The following NLE1 variants were observed in gnomAD, a reference collection of about 807,000 sequenced individuals.
NLE1 encodes notchless protein homolog 1.
In NLE1, 37 loss-of-function variants were observed where a neutral mutation model predicts 62.8. The ratio of observed to expected loss-of-function variants is 0.59; its 90% CI spans 0.45 to 0.78. The LOEUF is 0.78. Ranked by LOEUF, NLE1 falls within the 30% of genes least tolerant of loss-of-function variation. The probability of loss-of-function intolerance (pLI) is 0.00; values close to 1 mark genes in which losing one functional copy is unlikely to be tolerated. For missense variants in NLE1, 555 were observed against 637.9 expected, an observed-to-expected ratio of 0.87 and a Z score of 1.40; for synonymous variants, 243 against 253.0, an observed-to-expected ratio of 0.96 and a Z score of 0.37.
intron 9 of NLE1, 99 bp downstream of exon 9, chr17:35,136,070 C>A: frequency 8.1e-7 from 1 of 1,232,354 alleles, no homozygotes; most frequent in Non-Finnish European, 1.2e-6. Context: ...TAGGTACATT[C>A]TGAGCTGGGT....
intron 10 of NLE1, among the ~76,000 whole-genome samples, chr17:35,134,206 T>C (rs866136935): frequency 4.6e-5 from 7 of 152,124 alleles, no homozygotes; most frequent in African/African-American, 1.4e-4. Flanking sequence ...AAGGTCTGAG[T>C]TGGGGCCAGG....
chr17:35,141,968 C>T lies in NLE1; in HGVS notation c.162+11G>A, dbSNP rs1174065832. 6.4e-7 allele frequency: 1 copy of T among 1,565,844 alleles called. No individual in the cohort carries two copies. The highest frequency in any genetic ancestry group is 1.9e-5 in the Admixed American group (1 of 52,294). The stretch of plus-strand genomic sequence containing the variant: ...GGTGGAGATGCGAGGCCGCCCTGGC[C>T]AGCCACTTACCTGGGCCAGTAGCGC... On this transcript the variant is annotated intron_variant, in intron 2 of 12. Coordinates refer to ENST00000442241, the MANE Select transcript of NLE1 (RefSeq NM_018096.5).
intron 12 of NLE1, 90 bp downstream of exon 12, chr17:35,133,081 G>T (rs555235886): frequency 4.6e-6 from 6 of 1,296,848 alleles, no homozygotes; most frequent in Non-Finnish European, 1.1e-6. Context: ...ACGGCCCTGC[G>T]GAATTCTATG....
intron 3 of NLE1, 141 bp from the exon 4 acceptor site, chr17:35,139,455 G>C: frequency 1.5e-6 from 1 of 683,964 alleles, no homozygotes; most frequent in East Asian, 2.7e-5. Context: ...CTGTCCTCTG[G>C]GAGAATACAT....
intron 6 of NLE1, 47 bp downstream of exon 6, chr17:35,137,496 C>G (rs747370368): frequency 2.0e-6 from 3 of 1,473,228 alleles, no homozygotes; most frequent in Non-Finnish European, 2.8e-6. Flanking sequence ...AAGGGGATGG[C>G]TTTGATCCCC....
rs1393342821 is a variant in NLE1 at position 35,130,720 on chromosome 17, A to G, written c.*1717T>C. 5.2e-6 allele frequency: 2 copies of G among 385,356 alleles called. No individual in the cohort carries two copies. Among genetic ancestry groups the G allele is most frequent in the Non-Finnish European group, 9.5e-6 (2 of 210,862 alleles). 23.9% of individuals were successfully genotyped at this position (385,356 alleles called of 1,614,324 possible). ...TCTAGGTCCCTCATTAAAGAACTGCAGGTCATCCAGCACCCTAAAGTCTGC... is the reference window on the plus strand; with the variant it reads ...TCTAGGTCCCTCATTAAAGAACTGCGGGTCATCCAGCACCCTAAAGTCTGC... On this transcript the variant is annotated 3_prime_UTR_variant, in exon 13 of 13. Coordinates refer to ENST00000442241, the MANE Select transcript of NLE1 (RefSeq NM_018096.5).
intron 10 of NLE1, 150 bp from the exon 11 acceptor site, chr17:35,133,648 C>A (rs2091891286): frequency 1.4e-6 from 1 of 706,728 alleles, no homozygotes; most frequent in Non-Finnish European, 2.3e-6. Context: ...CTGCCTGGTC[C>A]CCATCCCAGA....
chr17:35,137,453 C>T, intron 6 of NLE1, 90 bp downstream of exon 6: 1 of 1,108,586 alleles, frequency 9.0e-7, no homozygotes, highest in Non-Finnish European at 1.3e-6. Context: ...CATCTTGTCC[C>T]CTCACGTAAA....
chr17:35,132,276 A>T lies in NLE1; in HGVS notation c.*161T>A. On this transcript the variant is annotated 3_prime_UTR_variant, in exon 13 of 13. Coordinates refer to ENST00000442241, the MANE Select transcript of NLE1 (RefSeq NM_018096.5). ...GCCACAGGCGGGGATCTGTGGGAAA[A>T]CCCCATTCCGGTCTATCGAGGACAG... 2.0e-6 allele frequency: 1 copy of T among 501,714 alleles called. No individual in the cohort carries two copies. The highest frequency in any genetic ancestry group is 3.2e-6 in the Non-Finnish European group (1 of 308,528). 31.1% of individuals were successfully genotyped at this position (501,714 alleles called of 1,614,324 possible). A position where few individuals can be genotyped will look rare whatever the true frequency, so the allele number is the denominator to read the frequency against.
At chr17:35,135,609 A>G (rs1489146483) in intron 9 of NLE1, among the ~76,000 whole-genome samples, 158 bp from the exon 10 acceptor site, 1 of 152,212 alleles carries the variant, frequency 6.6e-6, no homozygotes, top group Non-Finnish European at 1.5e-5. Flanking sequence ...ACTCACTCGC[A>G]TGTGACCCCA....
Position 35,135,366 on chromosome 17 carries a change from G to A in NLE1, c.1097C>T (p.Thr366Ile), listed in dbSNP as rs942611358. The A allele has an allele frequency of 6.2e-7, 1 of 1,614,230 alleles. No individual in the cohort carries two copies. ...WSPAEDKKPL[T>I]RMTGHQALIN... is the part of the protein sequence containing the mutation. ...GAGAGCTTGGTGTCCTGTCATCCGA[G>A]TGAGAGGCTTTTTGTCCTCTGCTGG... Residue 366 changes from threonine (T) to isoleucine (I), a missense_variant, in exon 10 of 13, where the codon ACT (threonine) becomes ATT (isoleucine). Thr to Ile is a moderately conservative substitution (Grantham distance 89). Coordinates refer to ENST00000442241, the MANE Select transcript of NLE1 (RefSeq NM_018096.5).
chr17:35,134,466 C>T (rs978746772), intron 10 of NLE1, among the ~76,000 whole-genome samples: 2 of 151,918 alleles, frequency 1.3e-5, no homozygotes, highest in African/African-American at 2.4e-5. Flanking sequence ...GTGGTGTGAA[C>T]TCGACTCACT....
chr17:35,130,776 G>A lies in NLE1; in HGVS notation c.*1661C>T, dbSNP rs2091872185. The A allele has an allele frequency of 4.4e-6, 1 of 229,392 alleles. No homozygotes were observed. The allele number at this position is 229,392 out of a possible 1,614,324, so 14.2% of individuals were successfully genotyped here. A position where few individuals can be genotyped will look rare whatever the true frequency, so the allele number is the denominator to read the frequency against. On this transcript the variant is annotated 3_prime_UTR_variant, in exon 13 of 13. Coordinates refer to ENST00000442241, the MANE Select transcript of NLE1 (RefSeq NM_018096.5). ...GCTGCAGACAGCCTCAGATGGGCTG[G>A]CTGGCACCCACCTCCTAGCTTCCAC...
At position 35,142,244 on chromosome 17, in the gene NLE1, C is replaced by A. The variant is rs370621441; in HGVS notation, c.18+14G>T. Reference sequence around the variant, plus strand: ...CCGCGGCGACGCCCCCCGCCCCCATCCACGCACACCCACCGGCACTGCTGC... The same window carrying A: ...CCGCGGCGACGCCCCCCGCCCCCATACACGCACACCCACCGGCACTGCTGC... On this transcript the variant is annotated intron_variant, in intron 1 of 12. Transcript: ENST00000442241. 1 of 1,549,952 alleles carries A rather than the reference C, an allele frequency of 6.5e-7. No homozygotes were observed. The highest frequency in any genetic ancestry group is 1.4e-5 in the African/African-American group (1 of 73,412).
chr17:35,138,491 T>G (rs2091923206), intron 4 of NLE1, among the ~76,000 whole-genome samples: 1 of 152,208 alleles, frequency 6.6e-6, no homozygotes, highest in Admixed American at 6.5e-5. Flanking sequence ...TCACCCAGGC[T>G]GGAGTGCAGT....
Position 35,132,217 on chromosome 17 carries a change from T to C in NLE1, c.*220A>G. 2.6e-6 allele frequency: 1 copy of C among 383,150 alleles called. No individual in the cohort carries two copies. The highest frequency in any genetic ancestry group is 3.9e-5 in the East Asian group (1 of 25,510). The allele number at this position is 383,150 out of a possible 1,614,324, so 23.7% of individuals were successfully genotyped here. A position where few individuals can be genotyped will look rare whatever the true frequency, so the allele number is the denominator to read the frequency against. On this transcript the variant is annotated 3_prime_UTR_variant, in exon 13 of 13. Transcript: ENST00000442241. The stretch of plus-strand genomic sequence containing the variant: ...GACACGGGCCAAGTTCAGTGACAAC[T>C]TCCTGTGACCTTCGATTTCTGGCTC...
intron 2 of NLE1, among the ~76,000 whole-genome samples, chr17:35,141,357 C>A (rs185052175): frequency 6.6e-6 from 1 of 152,230 alleles, no homozygotes; most frequent in East Asian, 1.9e-4. Flanking sequence ...ACCATCCTGG[C>A]CAACGTGGTG....
rs1430214127 is a variant in NLE1 at position 35,132,103 on chromosome 17, T to G, written c.*334A>C. ...TTATTTGGTCATAGAACCTGGGATC[T>G]GACCCTGTACAGAGCTGACACTAGG... On this transcript the variant is annotated 3_prime_UTR_variant, in exon 13 of 13. Coordinates refer to ENST00000442241, the MANE Select transcript of NLE1 (RefSeq NM_018096.5). The G allele has an allele frequency of 1.2e-5, 3 of 243,846 alleles. No individual in the cohort carries two copies. Among genetic ancestry groups the G allele is most frequent in the African/African-American group, 6.7e-5 (3 of 44,610 alleles). The allele number at this position is 243,846 out of a possible 1,614,324, so 15.1% of individuals were successfully genotyped here.
chr17:35,132,727 C>A (rs71381418), intron 12 of NLE1, among the ~76,000 whole-genome samples: 2,032 of 152,250 alleles, frequency 0.013, 40 homozygotes, highest in African/African-American at 0.046. Flanking sequence ...GAGTGTTGAC[C>A]CTCCTATTTT....
Sources: gnomAD v4.1 joint callset for allele counts (sites outside exome capture counted in the v4.1 genomes callset) on GRCh38, gnomAD v4.1.1 for gene constraint, MANE v1.5 for transcripts, NCBI Gene and HGNC (gene_info 2026-07-23, HGNC 2026-07-21) for gene names.